ZFPM1: variants seen among roughly 807,000 people sequenced by gnomAD.
ZFPM1 encodes zinc finger protein ZFPM1.
A neutral mutation model predicts 46.3 loss-of-function variants in ZFPM1; 28 were observed. The observed-to-expected ratio is 0.60, with a 90% CI of 0.45 to 0.83. The LOEUF is 0.83. Among genes scored for constraint, ZFPM1 ranks in the 40% least tolerant of loss-of-function variants. The pLI is 0.00. For synonymous variants in ZFPM1, 957 were observed against 675.9 expected (o/e 1.42, Z -6.45); for missense variants, 1,878 against 1,432.4 (o/e 1.31, Z -5.02).
chr16:88,488,499 T>C (rs17782553), intron 2 of ZFPM1, among the ~76,000 whole-genome samples: 39,715 of 152,142 alleles, frequency 0.26, 5,450 homozygotes, highest in East Asian at 0.34. Flanking sequence ...AGGACTTTTA[T>C]ACTGTGTGAT....
chr16:88,513,816 G>C (rs185589445), intron 3 of ZFPM1, among the ~76,000 whole-genome samples: 8 of 152,216 alleles, frequency 5.3e-5, no homozygotes, highest in Non-Finnish European at 7.3e-5. Flanking sequence ...GGGGGCTTCA[G>C]GCGACCCTCA....
At chr16:88,493,118 TGGGGGGA>T (rs1399341319) in intron 3 of ZFPM1, among the ~76,000 whole-genome samples, 107 of 90,092 alleles carry the variant, frequency 1.2e-3, no homozygotes, top group Non-Finnish European at 9.5e-5. Context: ...TGTCCCGGGG[TGGGGGGA>T]GCTGTCCCGG....
intron 1 of ZFPM1, among the ~76,000 whole-genome samples, chr16:88,468,081 G>T (rs1908227045): frequency 1.3e-5 from 1 of 76,046 alleles, no homozygotes; most frequent in East Asian, 4.1e-4. Flanking sequence ...ACCCACCCGC[G>T]AGCCCACCGG....
At chr16:88,490,056 A>T (rs895273735) in intron 3 of ZFPM1, among the ~76,000 whole-genome samples, 105 of 143,468 alleles carry the variant, frequency 7.3e-4, no homozygotes, top group African/African-American at 7.2e-4. Flanking sequence ...AGTATTTATT[A>T]TTTTTTTTTT....
chr16:88,474,762 T>C (rs7188539), intron 1 of ZFPM1, among the ~76,000 whole-genome samples: 74,040 of 152,132 alleles, frequency 0.49, 20,797 homozygotes, highest in African/African-American at 0.78. Flanking sequence ...ACACATAGGA[T>C]GTTCATTTGC....
rs180842534 is a variant in ZFPM1, at chr16:88,491,543, A to G, written c.268+2390A>G. Among the ~76,000 whole-genome samples the G allele has an allele frequency of 9.9e-5, 15 of 152,226 alleles. 1 individual carries two copies. Among genetic ancestry groups the G allele is most frequent in the African/African-American group, 3.6e-4 (15 of 41,558 alleles). ...CCTGGAGTTCATAGACACTGGTTTGATCGCCACCCCAAGGGTCCCTGTCCA... is the reference window on the plus strand; with the variant it reads ...CCTGGAGTTCATAGACACTGGTTTGGTCGCCACCCCAAGGGTCCCTGTCCA... On this transcript the variant is annotated intron_variant, in intron 3 of 9. Transcript: ENST00000319555.
chr16:88,491,551 C>T (rs903145505), intron 3 of ZFPM1, among the ~76,000 whole-genome samples: 1 of 152,190 alleles, frequency 6.6e-6, no homozygotes, highest in Non-Finnish European at 1.5e-5. Flanking sequence ...TGATCGCCAC[C>T]CCAAGGGTCC....
chr16:88,520,587 TGGG>T (rs1567550035), intron 4 of ZFPM1, among the ~76,000 whole-genome samples: 5 of 115,774 alleles, frequency 4.3e-5, no homozygotes, highest in African/African-American at 1.7e-4. Context: ...GATGGATGGA[TGGG>T]AGGGTGAGTG....
intron 3 of ZFPM1, among the ~76,000 whole-genome samples, chr16:88,507,018 C>A (rs1272743396): frequency 2.6e-5 from 4 of 152,222 alleles, no homozygotes; most frequent in Admixed American, 2.6e-4. Flanking sequence ...GCTGGCCTTT[C>A]CAGGTGGCCT....
intron 3 of ZFPM1, among the ~76,000 whole-genome samples, chr16:88,496,690 G>A (rs1054041668): frequency 3.3e-5 from 5 of 152,048 alleles, no homozygotes; most frequent in African/African-American, 7.2e-5. Context: ...GGGTGGGGAC[G>A]GGGACCCTCA....
chr16:88,453,742 G>C (rs982562695), intron 1 of ZFPM1, 64 bp downstream of exon 1: 2 of 1,027,720 alleles, frequency 1.9e-6, no homozygotes, highest in African/African-American at 1.7e-5. Flanking sequence ...CCAGCCGCCA[G>C]CGCCGCCCCC....
chr16:88,489,944 GGGCCCA>G (rs939901865), intron 3 of ZFPM1, among the ~76,000 whole-genome samples: 15 of 152,156 alleles, frequency 9.9e-5, no homozygotes, highest in African/African-American at 3.6e-4. Context: ...GGGAGGGAGG[GGGCCCA>G]GCAGAGGCGG....
intron 5 of ZFPM1, 79 bp from the exon 6 acceptor site, chr16:88,527,953 C>A: frequency 7.1e-7 from 1 of 1,408,420 alleles, no homozygotes; most frequent in Non-Finnish European, 9.5e-7. Flanking sequence ...TCTCCTGACC[C>A]CATCCTCTGC....
chr16:88,466,979 G>T (rs971719149), intron 1 of ZFPM1, among the ~76,000 whole-genome samples: 28 of 152,032 alleles, frequency 1.8e-4, no homozygotes, highest in Admixed American at 2.6e-4. Context: ...GGTATTAATG[G>T]GGGGACACGA....
chr16:88,464,235 C>T (rs1226433972), intron 1 of ZFPM1, among the ~76,000 whole-genome samples: 2 of 152,142 alleles, frequency 1.3e-5, no homozygotes, highest in African/African-American at 2.4e-5. Flanking sequence ...CCCGAGGGGC[C>T]GAGGCATGTG....
intron 1 of ZFPM1, among the ~76,000 whole-genome samples, chr16:88,460,953 C>CAGGAGGCCTGGTGAGGACCGA (rs1567525419): frequency 1.7e-4 from 2 of 11,680 alleles, no homozygotes; most frequent in Admixed American, 1.2e-3. Flanking sequence ...GACCGAGGGG[C>CAGGAGGCCTGGTGAGGACCGA]GGGGCGGGAG....
rs570127288 is a variant in ZFPM1 at position 88,533,418 on chromosome 16, C to G, written c.1460C>G (p.Ser487Trp). The change falls in exon 10 of 10, where the codon TCG (serine) becomes TGG (tryptophan). Residue 487 changes from serine (S) to tryptophan (W), a missense_variant. By Grantham distance (177) the Ser-to-Trp change is radical (BLOSUM62 -3). Coordinates refer to ENST00000319555, the MANE Select transcript of ZFPM1 (RefSeq NM_153813.3). ...GPGEPGPQAP[S>W]RTPSPRSPAP... The stretch of plus-strand genomic sequence containing the variant: ...GGAGAGCCTGGGCCCCAGGCCCCGT[C>G]GCGGACGCCGTCGCCGCGCAGCCCC... 322 of 1,484,974 alleles carry G rather than the reference C, an allele frequency of 2.2e-4. No individual in the cohort carries two copies. In the African/African-American group the frequency reaches 4.2e-3, roughly 19 times the overall value. 92.0% of individuals were successfully genotyped at this position (1,484,974 alleles called of 1,614,324 possible).
chr16:88,493,393 C>CGGGGTGCGGG (rs1172518258), intron 3 of ZFPM1, among the ~76,000 whole-genome samples: 11 of 142,656 alleles, frequency 7.7e-5, no homozygotes, highest in Admixed American at 1.4e-4. Flanking sequence ...AGAGCTGTCC[C>CGGGGTGCGGG]AGGGTGCAGG....
At chr16:88,511,369 G>A (rs1460347076) in intron 3 of ZFPM1, among the ~76,000 whole-genome samples, 5 of 152,226 alleles carry the variant, frequency 3.3e-5, no homozygotes, top group African/African-American at 1.2e-4. Flanking sequence ...GCCTCGCCGG[G>A]CCCCAGGCTT....
Sources: allele counts gnomAD v4.1 joint callset (sites outside exome capture counted in the v4.1 genomes callset), GRCh38; gene constraint gnomAD v4.1.1; transcripts MANE v1.5; gene names NCBI Gene and HGNC (gene_info 2026-07-23, HGNC 2026-07-21).